Variants in KIRREL3 observed in about 807,000 individuals in gnomAD.
The protein encoded by KIRREL3 is kin of IRRE-like protein 3.
KIRREL3 carries 36 observed loss-of-function variants against 89.7 expected under a neutral mutation model. The observed-to-expected ratio is 0.40, with a 90% CI of 0.31 to 0.53. The LOEUF (loss-of-function observed/expected upper bound fraction) is 0.53. Among genes scored for constraint, KIRREL3 ranks in the 20% least tolerant of loss-of-function variants. The pLI is 0.49. For missense variants in KIRREL3, 864 were observed against 1,056.6 expected, an observed-to-expected ratio of 0.82 and a Z score of 2.53; for synonymous variants, 445 against 441.4, an observed-to-expected ratio of 1.01 and a Z score of -0.10.
chr11:126,776,484 T>C lies in KIRREL3; in HGVS notation c.56-213572A>G, dbSNP rs1950172107. ...GATTTGCAGCACCATAGCAGAGATATGGTGCTGCAGGACACTGGCTGCAGA... is the reference window on the plus strand; with the variant it reads ...GATTTGCAGCACCATAGCAGAGATACGGTGCTGCAGGACACTGGCTGCAGA... On this transcript the variant is annotated intron_variant, in intron 1 of 16. Transcript: ENST00000525144. The surrounding 1 kb of genome is among the most constrained non-coding windows in gnomAD (Gnocchi z 4.7). 6.6e-6 allele frequency among the ~76,000 whole-genome samples: 1 copy of C among 152,134 alleles called. No homozygotes were observed. Among genetic ancestry groups the C allele is most frequent in the East Asian group, 1.9e-4 (1 of 5,180 alleles).
At chr11:126,439,906 C>T (rs923423264) in intron 11 of KIRREL3, among the ~76,000 whole-genome samples, 5 of 151,978 alleles carry the variant, frequency 3.3e-5, no homozygotes, top group African/African-American at 1.2e-4. Flanking sequence ...GGGTGGACTC[C>T]TCAGTTGCCT....
intron 5 of KIRREL3, among the ~76,000 whole-genome samples, chr11:126,467,644 T>TTA (rs1555114860): frequency 6.7e-6 from 1 of 150,208 alleles, no homozygotes; most frequent in African/African-American, 2.5e-5. Context: ...TTTTTTTTTT[T>TTA]AAAAAATCAT....
intron 1 of KIRREL3, among the ~76,000 whole-genome samples, chr11:126,841,866 A>G (rs2134526025): frequency 6.6e-6 from 1 of 152,260 alleles, no homozygotes; most frequent in African/African-American, 2.4e-5. Context: ...TCCTACTTAA[A>G]TCCTCCAGGA....
Position 126,892,975 on chromosome 11 carries a change from T to C in KIRREL3, c.55+107480A>G, listed in dbSNP as rs1479063008. 6.6e-6 allele frequency among the ~76,000 whole-genome samples: 1 copy of C among 152,220 alleles called. No homozygotes were observed. The highest frequency in any genetic ancestry group is 2.4e-5 in the African/African-American group (1 of 41,460). ...AATTGCCTGTGGGATAGGATTTCAC[T>C]ATATCCCTGCACAGCTGTTTTCATG... On this transcript the variant is annotated intron_variant, in intron 1 of 16. Transcript: ENST00000525144. This position sits in a 1 kb window ranked among gnomAD's most constrained non-coding sequence, Gnocchi z 5.4.
upstream of KIRREL3, among the ~76,000 whole-genome samples, chr11:127,001,875 T>C (rs915922841): frequency 6.6e-6 from 1 of 151,920 alleles, no homozygotes; most frequent in Non-Finnish European, 1.5e-5. Flanking sequence ...AGAAAAATAT[T>C]CAACGTTATG....
chr11:126,831,181 T>C (rs1015825423), intron 1 of KIRREL3, among the ~76,000 whole-genome samples: 1 of 152,208 alleles, frequency 6.6e-6, no homozygotes, highest in African/African-American at 2.4e-5. Context: ...ATACCCGGCA[T>C]GATGCTCACT....
intron 2 of KIRREL3, among the ~76,000 whole-genome samples, chr11:126,552,784 A>G (rs1015927767): frequency 9.9e-5 from 15 of 151,914 alleles, no homozygotes; most frequent in African/African-American, 3.6e-4. Flanking sequence ...GCTGGTCTCA[A>G]ACTCCTGACC....
Position 126,531,868 on chromosome 11 carries a change from G to A in KIRREL3, c.134-5181C>T, listed in dbSNP as rs953745262. ...AGCACCGGTTACACGTCTGTCACAT[G>A]TGCCTTTGTACTTAGAGTTTGCCTG... On this transcript the variant is annotated intron_variant, in intron 2 of 16. Coordinates refer to ENST00000525144, the MANE Select transcript of KIRREL3 (RefSeq NM_032531.4). This position sits in a 1 kb window ranked among gnomAD's most constrained non-coding sequence, Gnocchi z 4.7. 2.6e-5 allele frequency among the ~76,000 whole-genome samples: 4 copies of A among 152,174 alleles called. No homozygotes were observed. Among genetic ancestry groups the A allele is most frequent in the Non-Finnish European group, 4.4e-5 (3 of 68,040 alleles).
Position 126,708,878 on chromosome 11 carries a change from C to T in KIRREL3, c.56-145966G>A, listed in dbSNP as rs1486032149. 6.6e-6 allele frequency among the ~76,000 whole-genome samples: 1 copy of T among 152,200 alleles called. No homozygotes were observed. The highest frequency in any genetic ancestry group is 6.5e-5 in the Admixed American group (1 of 15,282). ...CTCTCCCTTCCTTTTTCATTCTCCT[C>T]TCCTCATATCCAAACTGTCATTAAA... On this transcript the variant is annotated intron_variant, in intron 1 of 16. Coordinates refer to ENST00000525144, the MANE Select transcript of KIRREL3 (RefSeq NM_032531.4). This position sits in a 1 kb window ranked among gnomAD's most constrained non-coding sequence, Gnocchi z 5.7.
At chr11:126,914,269 A>G (rs1470726448) in intron 1 of KIRREL3, among the ~76,000 whole-genome samples, 3 of 152,222 alleles carry the variant, frequency 2.0e-5, no homozygotes, top group Non-Finnish European at 4.4e-5. Context: ...GGGAGAAACA[A>G]ACATTTCCTG....
intron 1 of KIRREL3, among the ~76,000 whole-genome samples, chr11:126,963,101 T>G (rs923845336): frequency 8.5e-5 from 13 of 152,176 alleles, no homozygotes; most frequent in Admixed American, 5.9e-4. Flanking sequence ...GAACCAAACT[T>G]GCAATATATC....
chr11:126,561,845 G>T lies in KIRREL3; in HGVS notation c.133+990C>A, dbSNP rs1940147324. ...GGCATGGGGAGCGCATGGGGATGTG[G>T]TTGTCGTGGTCGGGGTTGGGAGGAG... is the stretch of plus-strand genomic sequence containing the variant. On this transcript the variant is annotated intron_variant, in intron 2 of 16. Coordinates refer to ENST00000525144, the MANE Select transcript of KIRREL3 (RefSeq NM_032531.4). The surrounding 1 kb of genome is among the most constrained non-coding windows in gnomAD (Gnocchi z 4.5). 6.6e-6 allele frequency among the ~76,000 whole-genome samples: 1 copy of T among 152,230 alleles called. No homozygotes were observed. Among genetic ancestry groups the T allele is most frequent in the African/African-American group, 2.4e-5 (1 of 41,468 alleles).
Position 126,496,235 on chromosome 11 carries a change from A to G in KIRREL3, c.434-22769T>C, listed in dbSNP as rs1223338474. 6.6e-6 allele frequency among the ~76,000 whole-genome samples: 1 copy of G among 152,236 alleles called. No individual in the cohort carries two copies. The highest frequency in any genetic ancestry group is 1.5e-5 in the Non-Finnish European group (1 of 68,040). ...AACTAGCCAGTCAACTTTCAAAGGT[A>G]CTTTGTGCTCGGAACATTGAGAGGC... On this transcript the variant is annotated intron_variant, in intron 4 of 16. Transcript: ENST00000525144. This position sits in a 1 kb window ranked among gnomAD's most constrained non-coding sequence, Gnocchi z 4.9.
chr11:126,978,120 C>T lies in KIRREL3; in HGVS notation c.55+22335G>A, dbSNP rs1025101068. Among the ~76,000 whole-genome samples the T allele has an allele frequency of 2.0e-5, 3 of 152,166 alleles. No homozygotes were observed. In the South Asian group the frequency reaches 6.2e-4, roughly 32 times the overall value. On this transcript the variant is annotated intron_variant, in intron 1 of 16. Transcript: ENST00000525144. The surrounding 1 kb of genome is among the most constrained non-coding windows in gnomAD (Gnocchi z 4.2). ...CAAGCCCCAGGGATAATGGTCAGCA[C>T]ATTGTGGCGTTGGATTTTTCTGCTA...
intron 1 of KIRREL3, among the ~76,000 whole-genome samples, chr11:126,690,568 C>G (rs1488124475): frequency 6.6e-6 from 1 of 152,048 alleles, no homozygotes; most frequent in African/African-American, 2.4e-5. Flanking sequence ...CTGGGTGTCC[C>G]TAGGTAACCA....
At chr11:126,458,000 G>A (rs1478673208) in intron 6 of KIRREL3, among the ~76,000 whole-genome samples, 1 of 152,176 alleles carries the variant, frequency 6.6e-6, no homozygotes, top group East Asian at 1.9e-4. Flanking sequence ...CTGCTGCTGG[G>A]CTCCTGGTGG....
intron 1 of KIRREL3, among the ~76,000 whole-genome samples, chr11:126,841,154 T>G (rs1348229676): frequency 6.6e-6 from 1 of 152,222 alleles, no homozygotes; most frequent in Non-Finnish European, 1.5e-5. Context: ...GTTTCAGGCA[T>G]CCCCTGGGGG....
At chr11:126,507,576 G>C (rs1171546667) in intron 4 of KIRREL3, among the ~76,000 whole-genome samples, 1 of 152,176 alleles carries the variant, frequency 6.6e-6, no homozygotes, top group East Asian at 1.9e-4. Flanking sequence ...GGAGGTAGGA[G>C]TTTCAAGTCT....
intron 1 of KIRREL3, among the ~76,000 whole-genome samples, chr11:126,829,111 A>T (rs531657979): frequency 6.6e-6 from 1 of 152,298 alleles, no homozygotes; most frequent in Non-Finnish European, 1.5e-5. Context: ...ATTTGCATGA[A>T]GGCTGAGGGG....
Sources: gnomAD v4.1 joint callset for allele counts (sites outside exome capture counted in the v4.1 genomes callset) on GRCh38, gnomAD v4.1.1 for gene constraint, Gnocchi (gnomAD v3.1) non-coding constraint, MANE v1.5 for transcripts, NCBI Gene and HGNC (gene_info 2026-07-23, HGNC 2026-07-21) for gene names.